TANC1: variants seen among roughly 807,000 people sequenced by gnomAD.
The protein encoded by TANC1 is protein TANC1.
A neutral mutation model predicts 149.7 loss-of-function variants in TANC1; 77 were observed. That is an observed-to-expected ratio of 0.51 (90% confidence interval 0.43 to 0.62). The LOEUF (loss-of-function observed/expected upper bound fraction) is 0.62, where lower values mean the gene tolerates loss of function less well. Ranked by LOEUF, TANC1 falls within the 20% of genes least tolerant of loss-of-function variation. TANC1 has a pLI of 0.00. For synonymous variants in TANC1, 854 were observed against 925.0 expected (o/e 0.92, Z 1.39); for missense variants, 1,985 against 2,321.8 (o/e 0.85, Z 2.98).
chr2:159,157,013 G>A (rs2053514884), intron 7 of TANC1, among the ~76,000 whole-genome samples: 1 of 152,252 alleles, frequency 6.6e-6, no homozygotes, highest in Non-Finnish European at 1.5e-5. Flanking sequence ...CAACACAGGT[G>A]AGCACTGAGC....
At position 159,227,926 on chromosome 2, in the gene TANC1, C is replaced by T; in HGVS notation, c.4011C>T (p.Ser1337=). ...DMRPFNELRV[S]LYLNLSRCRR... is the part of the protein sequence containing the mutation. ...GACCCTTCAATGAATTAAGGGTTTCCCTCTATCTCAATTTGTCGCGATGCC... is the reference window on the plus strand; with the variant it reads ...GACCCTTCAATGAATTAAGGGTTTCTCTCTATCTCAATTTGTCGCGATGCC... Residue 1337 remains serine, a synonymous_variant, in exon 25 of 27, where the codon TCC becomes TCT. Transcript: ENST00000263635. 1.2e-6 allele frequency: 2 copies of T among 1,608,412 alleles called. No individual in the cohort carries two copies. The highest frequency in any genetic ancestry group is 1.7e-6 in the Non-Finnish European group (2 of 1,175,506).
chr2:159,204,941 G>A (rs1248571690), intron 19 of TANC1, among the ~76,000 whole-genome samples: 9 of 152,222 alleles, frequency 5.9e-5, no homozygotes, highest in Admixed American at 5.9e-4. Flanking sequence ...CACTTGGCAT[G>A]TGTGCTCACC....
chr2:159,212,935 A>C (rs2059094424), intron 19 of TANC1, among the ~76,000 whole-genome samples: 1 of 143,930 alleles, frequency 6.9e-6, no homozygotes, highest in Non-Finnish European at 1.5e-5. Flanking sequence ...AAAAAAAAAA[A>C]AAAAAATTTC....
At chr2:159,078,426 A>C (rs895174952) in intron 3 of TANC1, among the ~76,000 whole-genome samples, 6 of 152,214 alleles carry the variant, frequency 3.9e-5, no homozygotes, top group African/African-American at 1.4e-4. Context: ...AAGCCTGAAA[A>C]GATATATGTA....
At chr2:159,134,737 G>A (rs538033190) in intron 4 of TANC1, among the ~76,000 whole-genome samples, 1 of 151,758 alleles carries the variant, frequency 6.6e-6, no homozygotes, top group Admixed American at 6.6e-5. Flanking sequence ...ACCCGCCTCG[G>A]CCTCCAATGT....
chr2:159,055,223 G>A (rs754150681), intron 2 of TANC1, among the ~76,000 whole-genome samples: 7 of 152,212 alleles, frequency 4.6e-5, no homozygotes, highest in East Asian at 1.9e-4. Flanking sequence ...CCCTAGCCAC[G>A]CCTTCTACTG....
chr2:159,175,766 A>T (rs551802633), intron 12 of TANC1, among the ~76,000 whole-genome samples: 14 of 152,220 alleles, frequency 9.2e-5, no homozygotes, highest in African/African-American at 2.2e-4. Context: ...TGCTAGAGGG[A>T]TAGAAAACAG....
At chr2:158,978,244 C>T (rs966496855) in intron 1 of TANC1, among the ~76,000 whole-genome samples, 1 of 152,104 alleles carries the variant, frequency 6.6e-6, no homozygotes. Context: ...ACTTGTTACT[C>T]TGGGGTGGGT....
chr2:159,122,482 T>A (rs1457737619), intron 4 of TANC1, among the ~76,000 whole-genome samples: 3 of 151,716 alleles, frequency 2.0e-5, no homozygotes. Context: ...AAAAATGAAC[T>A]TTTTTTTCTC....
intron 20 of TANC1, 103 bp downstream of exon 20, chr2:159,217,733 T>C: frequency 7.0e-7 from 1 of 1,434,496 alleles, no homozygotes; most frequent in Non-Finnish European, 9.5e-7. Context: ...TGAGCCTGTC[T>C]GTTCCCCATC....
intron 3 of TANC1, among the ~76,000 whole-genome samples, chr2:159,069,691 A>G (rs1276457986): frequency 6.6e-6 from 1 of 152,096 alleles, no homozygotes; most frequent in African/African-American, 2.4e-5. Flanking sequence ...ACTGTTTGGA[A>G]AATGAATAGG....
chr2:159,144,579 T>C (rs2051836734), intron 5 of TANC1, among the ~76,000 whole-genome samples: 1 of 152,184 alleles, frequency 6.6e-6, no homozygotes, highest in African/African-American at 2.4e-5. Context: ...GGTTTCACCA[T>C]GTTGGCCAGG....
rs190891079 is a variant in TANC1, at chr2:159,082,910, A to C, written c.62-14727A>C. On this transcript the variant is annotated intron_variant, in intron 3 of 26. Coordinates refer to ENST00000263635, the MANE Select transcript of TANC1 (RefSeq NM_033394.3). ...AATTCCCTTAAGACCTACCGAATTT[A>C]GTGTTGGGGTCCAAGCATCTATTTT... Among the ~76,000 whole-genome samples the C allele has an allele frequency of 7.1e-4, 108 of 152,274 alleles. 1 individual carries two copies. The highest frequency in any genetic ancestry group is 2.4e-3 in the African/African-American group (100 of 41,558).
chr2:159,119,720 CTT>C (rs2048655858), intron 4 of TANC1, among the ~76,000 whole-genome samples: 1 of 152,174 alleles, frequency 6.6e-6, no homozygotes, highest in African/African-American at 2.4e-5. Context: ...AGCAGGCACT[CTT>C]AGGAGGTGAG....
chr2:159,178,147 C>T (rs777961987), intron 13 of TANC1, among the ~76,000 whole-genome samples: 7 of 152,198 alleles, frequency 4.6e-5, no homozygotes, highest in Non-Finnish European at 8.8e-5. Context: ...GGCGTCTGGC[C>T]GTGTTCTTAG....
chr2:159,228,728 A>T (rs1360560537), intron 25 of TANC1, 68 bp from the exon 26 acceptor site: 2 of 1,191,646 alleles, frequency 1.7e-6, no homozygotes, highest in African/African-American at 3.0e-5. Flanking sequence ...TTAGAACAAA[A>T]CTAGACGGGC....
chr2:159,097,448 T>C (rs1430990295), intron 3 of TANC1, among the ~76,000 whole-genome samples, 189 bp from the exon 4 acceptor site: 1 of 152,212 alleles, frequency 6.6e-6, no homozygotes, highest in Non-Finnish European at 1.5e-5. Context: ...CAGAGTTCAC[T>C]GATGCTTGAG....
At chr2:159,117,554 C>T (rs2150067569) in intron 4 of TANC1, among the ~76,000 whole-genome samples, 1 of 152,160 alleles carries the variant, frequency 6.6e-6, no homozygotes, top group Admixed American at 6.5e-5. Flanking sequence ...CGCCACCACG[C>T]CCGGCTAATT....
At chr2:159,023,984 T>A (rs2039047962) in intron 2 of TANC1, among the ~76,000 whole-genome samples, 1 of 149,558 alleles carries the variant, frequency 6.7e-6, no homozygotes. Flanking sequence ...AAAAAAAAAA[T>A]TGTCAAAAAT....
Sources: gnomAD v4.1 joint callset for allele counts (sites outside exome capture counted in the v4.1 genomes callset) on GRCh38, gnomAD v4.1.1 for gene constraint, MANE v1.5 for transcripts, NCBI Gene and HGNC (gene_info 2026-07-23, HGNC 2026-07-21) for gene names.